TLN1: variants seen among roughly 807,000 people sequenced by gnomAD.
TLN1 encodes talin 1.
TLN1 carries 56 observed loss-of-function variants against 292.3 expected under a neutral mutation model. That is an observed-to-expected ratio of 0.19 (90% CI 0.15 to 0.24). TLN1 has a LOEUF of 0.24. Ranked by LOEUF, TLN1 falls within the 10% of genes least tolerant of loss-of-function variation. The pLI is 1.00. For missense variants in TLN1, 2,433 were observed against 3,248.2 expected, an observed-to-expected ratio of 0.75 and a Z score of 6.10; for synonymous variants, 1,119 against 1,253.7, an observed-to-expected ratio of 0.89 and a Z score of 2.27.
chr9:35,726,862 C>T (rs1161133574), intron 1 of TLN1, among the ~76,000 whole-genome samples: 1 of 152,236 alleles, frequency 6.6e-6, no homozygotes. Context: ...AGAAAGGACC[C>T]AGTCCCTGTA....
rs1164205911 is a variant in TLN1 at position 35,724,267 on chromosome 9, C to T, written c.579G>A (p.Leu193=). 1.9e-6 allele frequency: 3 copies of T among 1,614,090 alleles called. No individual in the cohort carries two copies. The highest frequency in any genetic ancestry group is 2.5e-6 in the Non-Finnish European group (3 of 1,180,048). The stretch of plus-strand genomic sequence containing the variant: ...GGTCTGAGTAAAAGAACTTCCTCCG[C>T]AGCAGCAGCGTCTCGTGCTCCTCTA... The part of the protein sequence containing the change: ...QGVEEHETLL[L]RRKFFYSDQN... The change falls in exon 6 of 57, where the codon CTG becomes CTA. Residue 193 remains leucine (L), a synonymous_variant. Coordinates refer to ENST00000314888, the MANE Select transcript of TLN1 (RefSeq NM_006289.4). This position sits in a 1 kb window ranked among gnomAD's most constrained non-coding sequence, Gnocchi z 4.7.
chr9:35,707,295 TG>T lies in TLN1; in HGVS notation c.4774-43del, dbSNP rs1424195487. On this transcript the variant is annotated intron_variant, in intron 36 of 56. Transcript: ENST00000314888. This position sits in a 1 kb window ranked among gnomAD's most constrained non-coding sequence, Gnocchi z 5.6. ...CAGGAAGGTAAGTCTCAGGAGTCCC[TG>T]GAAGATGAGGTGATAAGCTGGCCCA... 2.5e-6 allele frequency: 4 copies of T among 1,607,684 alleles called. No individual in the cohort carries two copies. The African/African-American group carries it at 5.3e-5, about 21-fold the overall frequency.
chr9:35,705,109 T>G (rs1825542369), intron 43 of TLN1, among the ~76,000 whole-genome samples: 1 of 152,044 alleles, frequency 6.6e-6, no homozygotes, highest in Non-Finnish European at 1.5e-5. Context: ...CAGAGGGCCG[T>G]GGATTACCAT....
chr9:35,702,116 G>A (rs1459587225), intron 48 of TLN1, among the ~76,000 whole-genome samples: 1 of 152,136 alleles, frequency 6.6e-6, no homozygotes, highest in Non-Finnish European at 1.5e-5. Context: ...CCAGGGAGGA[G>A]GAATGAAAGG....
At chr9:35,722,687 G>C (rs1458421578) in intron 8 of TLN1, among the ~76,000 whole-genome samples, 174 bp downstream of exon 8, 2 of 152,236 alleles carry the variant, frequency 1.3e-5, no homozygotes, top group Non-Finnish European at 2.9e-5. Flanking sequence ...GGATGGAGCT[G>C]AGACTAAAAG....
chr9:35,706,679 T>A lies in TLN1; in HGVS notation c.5088+89A>T. 1 of 1,584,260 alleles carries A rather than the reference T, an allele frequency of 6.3e-7. No individual in the cohort carries two copies. Among genetic ancestry groups the A allele is most frequent in the Non-Finnish European group, 8.6e-7 (1 of 1,163,894 alleles). On this transcript the variant is annotated intron_variant, in intron 38 of 56. Transcript: ENST00000314888. The surrounding 1 kb of genome is among the most constrained non-coding windows in gnomAD (Gnocchi z 4.2). Reference sequence around the variant, plus strand: ...CGCACATCCCAGCCTTTGATGTCCCTAAGAAGCCACTCCTTGATCCCCCAG... The same window carrying A: ...CGCACATCCCAGCCTTTGATGTCCCAAAGAAGCCACTCCTTGATCCCCCAG...
In TLN1 at chr9:35,703,682, G is replaced by T. The variant is rs1447064534; in HGVS notation, c.6358-6C>A. On this transcript the variant is annotated splice_region_variant and splice_polypyrimidine_tract_variant and intron_variant, in intron 47 of 56. Coordinates refer to ENST00000314888, the MANE Select transcript of TLN1 (RefSeq NM_006289.4). ...GTCACATTGGTCACCATCACCTGGA[G>T]GTATCAGAGGAGTGAAGAGGAATGA... is the stretch of plus-strand genomic sequence containing the variant. 6.2e-7 allele frequency: 1 copy of T among 1,614,168 alleles called. No homozygotes were observed. The highest frequency in any genetic ancestry group is 1.7e-5 in the Admixed American group (1 of 60,024).
Position 35,711,675 on chromosome 9 carries a change from G to C in TLN1, c.3799C>G (p.Leu1267Val), listed in dbSNP as rs1226123457. The C allele has an allele frequency of 6.2e-7, 1 of 1,614,228 alleles. No individual in the cohort carries two copies. Among genetic ancestry groups the C allele is most frequent in the Non-Finnish European group, 8.5e-7 (1 of 1,180,042 alleles). ...VQASRGTPQD[L>V]ARASGRFGQD... Reference sequence around the variant, plus strand: ...CCAAATCGGCCTGAGGCTCGAGCCAGGTCCTGAGGGGTTCCCCGAGAGGCC... The same window carrying C: ...CCAAATCGGCCTGAGGCTCGAGCCACGTCCTGAGGGGTTCCCCGAGAGGCC... The change falls in exon 29 of 57, where the codon CTG (leucine) becomes GTG (valine). Residue 1267 changes from leucine (L) to valine (V), a missense_variant. By Grantham distance (32) the Leu-to-Val change is conservative. Transcript: ENST00000314888.
rs755516701 is a variant in TLN1 at position 35,714,349 on chromosome 9, C to G, written c.3010G>C (p.Ala1004Pro). 6.2e-7 allele frequency: 1 copy of G among 1,612,186 alleles called. No homozygotes were observed. The highest frequency in any genetic ancestry group is 1.7e-5 in the Admixed American group (1 of 59,940). The stretch of plus-strand genomic sequence containing the variant: ...TGAATCGTTGGCACTGAGGCCTTTG[C>G]AGCTGCCACCATCTTCCCACCTGGC... ...LQPGGKMVAAAKASVPTIQDQ... is the reference protein window; with the variant it reads ...LQPGGKMVAAPKASVPTIQDQ... Residue 1004 changes from alanine (A) to proline (P), a missense_variant, in exon 24 of 57, where the codon GCA (alanine) becomes CCA (proline). Physicochemically the swap from Ala to Pro is conservative, Grantham distance 27. Transcript: ENST00000314888. This position sits in a 1 kb window ranked among gnomAD's most constrained non-coding sequence, Gnocchi z 4.6.
intron 48 of TLN1, among the ~76,000 whole-genome samples, chr9:35,702,100 A>G (rs182647886): frequency 6.6e-6 from 1 of 152,330 alleles, no homozygotes; most frequent in East Asian, 1.9e-4. Context: ...GAGTGCGGAC[A>G]GGGAACCAGG....
chr9:35,726,679 G>C (rs977297934), intron 1 of TLN1, among the ~76,000 whole-genome samples: 1 of 152,188 alleles, frequency 6.6e-6, no homozygotes, highest in Non-Finnish European at 1.5e-5. Flanking sequence ...CCTGAGATGC[G>C]GGGGCCTTCT....
intron 48 of TLN1, among the ~76,000 whole-genome samples, chr9:35,702,941 G>C (rs546088284): frequency 6.6e-6 from 1 of 152,368 alleles, no homozygotes; most frequent in East Asian, 1.9e-4. Context: ...ACTGGAGAAA[G>C]TGGGAGGGTG....
At position 35,719,544 on chromosome 9, in the gene TLN1, A is replaced by G. The variant is rs766916169; in HGVS notation, c.1662T>C (p.Thr554=). ...CTGCTGTCAGGTTCACCACAGACGC[A>G]GTACCAGCTGTGATGGCATCTACCT... ...HSQVDAITAG[T]ASVVNLTAGD... The change falls in exon 15 of 57, where the codon ACT becomes ACC. Residue 554 remains threonine (T), a synonymous_variant. Coordinates refer to ENST00000314888, the MANE Select transcript of TLN1 (RefSeq NM_006289.4). The surrounding 1 kb of genome is among the most constrained non-coding windows in gnomAD (Gnocchi z 4.6). 2.2e-5 allele frequency: 36 copies of G among 1,614,042 alleles called. No individual in the cohort carries two copies. The highest frequency in any genetic ancestry group is 2.6e-5 in the Non-Finnish European group (31 of 1,180,000).
rs769181516 is a variant in TLN1 at position 35,706,382 on chromosome 9, G to A, written c.5191-16C>T. The A allele has an allele frequency of 1.9e-6, 3 of 1,610,940 alleles. No homozygotes were observed. The South Asian group carries it at 3.3e-5, about 18-fold the overall frequency. On this transcript the variant is annotated splice_polypyrimidine_tract_variant and intron_variant, in intron 39 of 56. Transcript: ENST00000314888. The surrounding 1 kb of genome is among the most constrained non-coding windows in gnomAD (Gnocchi z 4.2). ...TCTGGGACACCTGAGGCAAGGGGTTGGACTAGGGGTCAGGTCCCCTCTCTC... is the reference window on the plus strand; with the variant it reads ...TCTGGGACACCTGAGGCAAGGGGTTAGACTAGGGGTCAGGTCCCCTCTCTC...
chr9:35,714,660 C>A lies in TLN1; in HGVS notation c.2899G>T (p.Val967Leu). Residue 967 changes from valine to leucine, a missense_variant, in exon 23 of 57, where the codon GTG becomes TTG. By Grantham distance (32) the Val-to-Leu change is conservative. Coordinates refer to ENST00000314888, the MANE Select transcript of TLN1 (RefSeq NM_006289.4). The surrounding 1 kb of genome is among the most constrained non-coding windows in gnomAD (Gnocchi z 4.6). ...GCTTGGCTTCCTCGGACGCCCTGCACCAGCAGTGGAATCTGCTCTGCCACT... is the reference window on the plus strand; with the variant it reads ...GCTTGGCTTCCTCGGACGCCCTGCAACAGCAGTGGAATCTGCTCTGCCACT... ...KAVAEQIPLL[V>L]QGVRGSQAQP... 1 of 1,614,048 alleles carries A rather than the reference C, an allele frequency of 6.2e-7. No individual in the cohort carries two copies. Among genetic ancestry groups the A allele is most frequent in the Non-Finnish European group, 8.5e-7 (1 of 1,180,038 alleles).
Position 35,698,652 on chromosome 9 carries a change from C to T in TLN1, c.7153G>A (p.Asp2385Asn), listed in dbSNP as rs941317380. ...KVGAIPANAL[D>N]DGQWSQGLIS... ...AGGCCCTGGGACCACTGCCCATCGT[C>T]CAGTGCATTGGCTGGAATGGCACCC... Residue 2385 changes from aspartate (D) to asparagine (N), a missense_variant, in exon 54 of 57, where the codon GAC becomes AAC. Asp to Asn is a conservative substitution (Grantham distance 23). Around this residue, in one of 7 missense-constraint regions of TLN1, gnomAD observed 141 missense variants for 248.5 expected, o/e 0.57. Transcript: ENST00000314888. This position sits in a 1 kb window ranked among gnomAD's most constrained non-coding sequence, Gnocchi z 5.3. The T allele has an allele frequency of 6.2e-7, 1 of 1,614,046 alleles. No homozygotes were observed. The highest frequency in any genetic ancestry group is 8.5e-7 in the Non-Finnish European group (1 of 1,180,046).
chr9:35,726,935 T>C (rs370696617), intron 1 of TLN1, among the ~76,000 whole-genome samples: 1 of 152,254 alleles, frequency 6.6e-6, no homozygotes, highest in Non-Finnish European at 1.5e-5. Flanking sequence ...CCTCCCATGC[T>C]TTCTCCTCTT....
Position 35,705,400 on chromosome 9 carries a change from T to C in TLN1, c.5733+151A>G, listed in dbSNP as rs530661101. On this transcript the variant is annotated intron_variant, in intron 43 of 56. Transcript: ENST00000314888. ...ACTGAAGGCTTTGATCCTCTGTCCC[T>C]ACCCAGAGCCTCACTAGTCTTCAGC... The C allele has an allele frequency of 1.9e-4, 145 of 783,198 alleles. 1 individual carries two copies. Among genetic ancestry groups the C allele is most frequent in the Non-Finnish European group, 2.8e-4 (139 of 492,046 alleles). The allele number at this position is 783,198 out of a possible 1,614,324, so 48.5% of individuals were successfully genotyped here. A position where few individuals can be genotyped will look rare whatever the true frequency, so the allele number is the denominator to read the frequency against.
chr9:35,707,010 C>T lies in TLN1; in HGVS notation c.4955+62G>A, dbSNP rs552632569. 1 of 1,608,286 alleles carries T rather than the reference C, an allele frequency of 6.2e-7. No individual in the cohort carries two copies. The highest frequency in any genetic ancestry group is 2.2e-5 in the East Asian group (1 of 44,862). On this transcript the variant is annotated intron_variant, in intron 37 of 56. Coordinates refer to ENST00000314888, the MANE Select transcript of TLN1 (RefSeq NM_006289.4). This position sits in a 1 kb window ranked among gnomAD's most constrained non-coding sequence, Gnocchi z 5.6. ...ATCCCATCTCATTGCACTCAAGTGC[C>T]CATCCTCCATTCTGCCACAATGTAT... is the stretch of plus-strand genomic sequence containing the variant.
Sources: allele counts gnomAD v4.1 joint callset (sites outside exome capture counted in the v4.1 genomes callset), GRCh38; gene constraint gnomAD v4.1.1; regional missense constraint gnomAD v4.1.1; non-coding constraint Gnocchi (gnomAD v3.1); transcripts MANE v1.5; gene names NCBI Gene and HGNC (gene_info 2026-07-23, HGNC 2026-07-21).